Variants in TSKS observed in about 807,000 individuals in gnomAD.
The protein encoded by TSKS is testis specific serine kinase substrate.
A neutral mutation model predicts 68.0 loss-of-function variants in TSKS; 27 were observed. The ratio of observed to expected loss-of-function variants is 0.40; its 90% confidence interval spans 0.29 to 0.55. The LOEUF (loss-of-function observed/expected upper bound fraction) is 0.55, where lower values mean the gene tolerates loss of function less well. Among genes scored for constraint, TSKS ranks in the 20% least tolerant of loss-of-function variants. The pLI, the probability that TSKS is intolerant of heterozygous loss-of-function variation, is 0.53. For missense variants in TSKS, 806 were observed against 776.0 expected (o/e 1.04, Z -0.46); for synonymous variants, 331 against 340.4 (o/e 0.97, Z 0.30).
chr19:49,755,445 A>T (rs2084385127), intron 2 of TSKS, among the ~76,000 whole-genome samples: 1 of 152,186 alleles, frequency 6.6e-6, no homozygotes, highest in African/African-American at 2.4e-5. Flanking sequence ...CTGTCATCCC[A>T]GGACTTTGGG....
At chr19:49,762,384 C>T (rs2084450056) in intron 1 of TSKS, 152 bp from the exon 2 acceptor site, 1 of 600,530 alleles carries the variant, frequency 1.7e-6, no homozygotes, top group Admixed American at 3.1e-5. Context: ...ACTTTATTCT[C>T]CTTCCCTGTG....
intron 2 of TSKS, 137 bp downstream of exon 2, chr19:49,761,867 A>G (rs2084443450): frequency 1.0e-5 from 7 of 671,970 alleles, no homozygotes; most frequent in Admixed American, 2.9e-5. Context: ...GGCAGTTCCC[A>G]GTTAGTTCCT....
chr19:49,759,440 G>A (rs962719728), intron 2 of TSKS, among the ~76,000 whole-genome samples: 9 of 146,326 alleles, frequency 6.2e-5, no homozygotes, highest in African/African-American at 2.3e-4. Flanking sequence ...CTGCACTGCA[G>A]CCTGGCAACA....
rs747162911 is a variant in TSKS, at chr19:49,763,110, G to A, written c.138C>T (p.Ile46=). 5.0e-6 allele frequency: 8 copies of A among 1,612,448 alleles called. No homozygotes were observed. In the South Asian group the frequency reaches 8.8e-5, roughly 18 times the overall value. Residue 46 remains isoleucine (I), a synonymous_variant, in exon 1 of 11, where the codon ATC becomes ATT. Coordinates refer to ENST00000246801, the MANE Select transcript of TSKS (RefSeq NM_021733.2). The surrounding 1 kb of genome is among the most constrained non-coding windows in gnomAD (Gnocchi z 4.5). ...PRRVTSRAKG[I]PKKKKAVSFH... is the part of the protein sequence containing the mutation. ...ACGACACGGCCTTCTTTTTCTTCGG[G>A]ATCCCCTTGGCCCGGCTGGTCACCC...
At chr19:49,743,771 A>T (rs2084272658) in intron 8 of TSKS, among the ~76,000 whole-genome samples, 1 of 151,804 alleles carries the variant, frequency 6.6e-6, no homozygotes, top group Non-Finnish European at 1.5e-5. Context: ...AAGTGCTGGG[A>T]TTACAGGCAT....
In TSKS at chr19:49,740,096, CCCGCAGGGCCTCGTCTTGGG is replaced by C. The variant is rs747713465; in HGVS notation, c.1565_1584del (p.Ala522GlyfsTer39). 1.2e-6 allele frequency: 2 copies of C among 1,614,180 alleles called. No individual in the cohort carries two copies. The highest frequency in any genetic ancestry group is 2.2e-5 in the South Asian group (2 of 91,082). On this transcript the variant is annotated frameshift_variant, in exon 10 of 11. Transcript: ENST00000246801. LOFTEE classifies it high-confidence loss of function. Reference sequence around the variant, plus strand: ...TTGTCTGTCAGCAGTAGGTTCTTGGCCCGCAGGGCCTCGTCTTGGGCCAGCCGAAGGGTGGAGCTCAGGGC... The same window carrying C: ...TTGTCTGTCAGCAGTAGGTTCTTGGCCCAGCCGAAGGGTGGAGCTCAGGGC...
chr19:49,762,908 C>G lies in TSKS; in HGVS notation c.170+170G>C, dbSNP rs2084455700. Among the ~76,000 whole-genome samples the G allele has an allele frequency of 2.0e-5, 3 of 152,098 alleles. No homozygotes were observed. The South Asian group carries it at 6.2e-4, about 31-fold the overall frequency. On this transcript the variant is annotated intron_variant, in intron 1 of 10. Coordinates refer to ENST00000246801, the MANE Select transcript of TSKS (RefSeq NM_021733.2). ...CTCCATCCATCCCCATTACCTTCTT[C>G]CTCTCTACCTCCCTGTGACTTGATG...
intron 6 of TSKS, among the ~76,000 whole-genome samples, chr19:49,746,155 C>T (rs1252416260): frequency 1.3e-5 from 2 of 152,156 alleles, no homozygotes; most frequent in African/African-American, 2.4e-5. Context: ...TGCACTCCAG[C>T]CTGGGCGACA....
At chr19:49,757,634 T>A (rs559781006) in intron 2 of TSKS, among the ~76,000 whole-genome samples, 1 of 152,198 alleles carries the variant, frequency 6.6e-6, no homozygotes, top group South Asian at 2.1e-4. Flanking sequence ...AGGGTTCCCA[T>A]TGTCCTTCCT....
Position 49,762,204 on chromosome 19 carries a change from T to C in TSKS, c.199A>G (p.Met67Val). 1 of 1,613,998 alleles carries C rather than the reference T, an allele frequency of 6.2e-7. No individual in the cohort carries two copies. Among genetic ancestry groups the C allele is most frequent in the South Asian group, 1.1e-5 (1 of 91,074 alleles). Residue 67 changes from methionine (M) to valine (V), a missense_variant, in exon 2 of 11, where the codon ATG becomes GTG. Transcript: ENST00000246801. ...GVEPQMSHQP[M>V]HWCLNLKRSS... is the part of the protein sequence containing the mutation. ...CGTTTGAGGTTCAGGCACCAGTGCA[T>C]GGGCTGATGGGACATCTGGGGCTCC... is the stretch of plus-strand genomic sequence containing the variant.
chr19:49,744,191 C>T (rs746588646), intron 8 of TSKS, 40 bp downstream of exon 8: 1 of 1,594,766 alleles, frequency 6.3e-7, no homozygotes, highest in Non-Finnish European at 8.6e-7. Context: ...CTTTAATGTC[C>T]TATCCACAAG....
chr19:49,755,740 T>C (rs1332406939), intron 2 of TSKS, among the ~76,000 whole-genome samples: 1 of 151,996 alleles, frequency 6.6e-6, no homozygotes, highest in Non-Finnish European at 1.5e-5. Context: ...TGGTGGCTGA[T>C]GCCTGTAATC....
At chr19:49,754,661 C>T (rs1483288696) in intron 2 of TSKS, among the ~76,000 whole-genome samples, 1 of 152,078 alleles carries the variant, frequency 6.6e-6, no homozygotes, top group Non-Finnish European at 1.5e-5. Flanking sequence ...TAGGCAAACA[C>T]TTTAAATCAG....
At chr19:49,749,429 A>G (rs545911288) in intron 2 of TSKS, among the ~76,000 whole-genome samples, 44 of 152,168 alleles carry the variant, frequency 2.9e-4, no homozygotes, top group African/African-American at 1.0e-3. Context: ...ACTCCTGCCA[A>G]TCCGTGGTTC....
rs899836038 is a variant in TSKS at position 49,763,299 on chromosome 19, C to T, written c.-52G>A. On this transcript the variant is annotated 5_prime_UTR_variant, in exon 1 of 11. Transcript: ENST00000246801. The surrounding 1 kb of genome is among the most constrained non-coding windows in gnomAD (Gnocchi z 4.5). The stretch of plus-strand genomic sequence containing the variant: ...GGGCTCCTTCCTCTGAGACTTCCTA[C>T]CTACTGTGACCACAGACCCTCAGGA... The T allele has an allele frequency of 9.6e-6, 14 of 1,465,516 alleles. No individual in the cohort carries two copies. The South Asian group carries it at 1.1e-4, about 12-fold the overall frequency. 90.8% of individuals were successfully genotyped at this position (1,465,516 alleles called of 1,614,324 possible).
intron 2 of TSKS, among the ~76,000 whole-genome samples, chr19:49,758,912 C>T (rs916995520): frequency 3.3e-5 from 5 of 151,790 alleles, no homozygotes; most frequent in African/African-American, 1.2e-4. Context: ...GGCTGGAGTG[C>T]AATGGCACGA....
chr19:49,753,901 T>C lies in TSKS; in HGVS notation c.400-5432A>G, dbSNP rs191680944. Among the ~76,000 whole-genome samples, 126 of 151,116 alleles carry C rather than the reference T, an allele frequency of 8.3e-4. No individual in the cohort carries two copies. The East Asian group carries it at 0.022, about 26-fold the overall frequency. On this transcript the variant is annotated intron_variant, in intron 2 of 10. Coordinates refer to ENST00000246801, the MANE Select transcript of TSKS (RefSeq NM_021733.2). The stretch of plus-strand genomic sequence containing the variant: ...TTATTTTTTATTGTATTTTTTTTTT[T>C]TGAGACAGAGTCTCCCTCTGTCCCC...
At chr19:49,762,261 G>C in intron 1 of TSKS, 29 bp from the exon 2 acceptor site, 1 of 1,590,708 alleles carries the variant, frequency 6.3e-7, no homozygotes, top group Non-Finnish European at 8.6e-7. Flanking sequence ...CAGAAAAGTG[G>C]AGAAGCAGCC....
In TSKS at chr19:49,763,138, C is replaced by T. The variant is rs151319025; in HGVS notation, c.110G>A (p.Arg37Gln). Residue 37 changes from arginine (R) to glutamine (Q), a missense_variant, in exon 1 of 11, where the codon CGG becomes CAG. Physicochemically the swap from Arg to Gln is conservative, Grantham distance 43. Transcript: ENST00000246801. The surrounding 1 kb of genome is among the most constrained non-coding windows in gnomAD (Gnocchi z 4.5). ...SCSQLVPEAP[R>Q]RVTSRAKGIP... is the part of the protein sequence containing the mutation. ...CCCCTTGGCCCGGCTGGTCACCCTC[C>T]GGGGAGCCTCTGGGACTAGCTGGGA... The T allele has an allele frequency of 2.6e-4, 415 of 1,611,708 alleles. 2 individuals carry two copies. The East Asian group carries it at 5.3e-3, about 21-fold the overall frequency.
Sources: allele counts gnomAD v4.1 joint callset (sites outside exome capture counted in the v4.1 genomes callset), GRCh38; gene constraint gnomAD v4.1.1; non-coding constraint Gnocchi (gnomAD v3.1); transcripts MANE v1.5; gene names NCBI Gene and HGNC (gene_info 2026-07-23, HGNC 2026-07-21).